Variants in B4GALT1 observed in about 807,000 individuals in gnomAD.
B4GALT1 encodes the protein beta-1,4-galactosyltransferase 1.
B4GALT1 carries 16 observed loss-of-function variants against 34.9 expected under a neutral mutation model. The observed-to-expected ratio is 0.46, with a 90% CI of 0.31 to 0.70. The LOEUF (loss-of-function observed/expected upper bound fraction) is 0.70. Among genes scored for constraint, B4GALT1 ranks in the 30% least tolerant of loss-of-function variants. The probability of loss-of-function intolerance (pLI) is 0.05; values close to 1 mark genes in which losing one functional copy is unlikely to be tolerated. For missense variants in B4GALT1, 445 were observed against 530.5 expected (o/e 0.84, Z 1.58); for synonymous variants, 221 against 218.1 (o/e 1.01, Z -0.12).
the B4GALT1 span, among the ~76,000 whole-genome samples, chr9:33,182,950 C>A: frequency 2.0e-5 from 3 of 152,200 alleles, no homozygotes; most frequent in Admixed American, 6.5e-5. Flanking sequence ...TTCATCTATA[C>A]CCCCAACTTC....
rs757496621 is a variant in B4GALT1, at chr9:33,113,361, G to A, written c.*93C>T. 4 of 1,582,932 alleles carry A rather than the reference G, an allele frequency of 2.5e-6. No individual in the cohort carries two copies. The highest frequency in any genetic ancestry group is 1.1e-5 in the South Asian group (1 of 89,916). Reference sequence around the variant, plus strand: ...CGAAGGGGACCTGTCACTCAGACTGGTAAAAATGAGAGGGACCAGCCCAGC... The same window carrying A: ...CGAAGGGGACCTGTCACTCAGACTGATAAAAATGAGAGGGACCAGCCCAGC... On this transcript the variant is annotated 3_prime_UTR_variant, in exon 6 of 6. Coordinates refer to ENST00000379731, the MANE Select transcript of B4GALT1 (RefSeq NM_001497.4).
In B4GALT1 at chr9:33,120,475, G is replaced by C; in HGVS notation, c.780C>G (p.Tyr260Ter). 1 of 1,614,060 alleles carries C rather than the reference G, an allele frequency of 6.2e-7. No homozygotes were observed. Among genetic ancestry groups the C allele is most frequent in the Non-Finnish European group, 8.5e-7 (1 of 1,180,022 alleles). Residue 260 changes from tyrosine (Y) to a stop codon, truncating the protein, a stop_gained, in exon 3 of 6, where the codon TAC becomes TAG. Coordinates refer to ENST00000379731, the MANE Select transcript of B4GALT1 (RefSeq NM_001497.4). LOFTEE classifies it high-confidence loss of function. ...TGTGCCGTGGCTGTGAAAAACACCT[G>C]TACGCATTATGGTCATTCATTGGAA... Reference protein sequence around the residue: ...DLIPMNDHNAYRCFSQPRHIS... With the variant: ...DLIPMNDHNA
At chr9:33,155,107 T>C (rs1455560343) in intron 1 of B4GALT1, among the ~76,000 whole-genome samples, 3 of 152,166 alleles carry the variant, frequency 2.0e-5, no homozygotes, top group African/African-American at 7.2e-5. Flanking sequence ...AGTACATGGC[T>C]ACGTCAGAAC....
At chr9:33,125,440 A>G (rs1041610323) in intron 2 of B4GALT1, among the ~76,000 whole-genome samples, 1 of 152,112 alleles carries the variant, frequency 6.6e-6, no homozygotes, top group Non-Finnish European at 1.5e-5. Flanking sequence ...GCCTTAAACC[A>G]TGGTTTATAT....
chr9:33,119,682 C>A (rs1410009939), intron 3 of B4GALT1, among the ~76,000 whole-genome samples: 1 of 152,188 alleles, frequency 6.6e-6, no homozygotes, highest in East Asian at 1.9e-4. Flanking sequence ...TGTCACTGCA[C>A]TCCAGCCTGG....
At chr9:33,163,181 G>C (rs939939800) in intron 1 of B4GALT1, among the ~76,000 whole-genome samples, 1 of 152,140 alleles carries the variant, frequency 6.6e-6, no homozygotes, top group Admixed American at 6.5e-5. Flanking sequence ...ATATGAGGGA[G>C]GGGGAAACGT....
At chr9:33,137,317 T>C (rs1028510022) in intron 1 of B4GALT1, among the ~76,000 whole-genome samples, 2 of 152,222 alleles carry the variant, frequency 1.3e-5, no homozygotes, top group African/African-American at 2.4e-5. Flanking sequence ...CATTGAGAGA[T>C]AGGCCTCAAT....
intron 3 of B4GALT1, among the ~76,000 whole-genome samples, chr9:33,118,518 A>T (rs1482923688): frequency 2.7e-5 from 4 of 149,956 alleles, no homozygotes; most frequent in Middle Eastern, 3.5e-3. Flanking sequence ...TTTTTTTTTT[A>T]AATCAGCCAG....
At chr9:33,128,286 G>T (rs1032026198) in intron 2 of B4GALT1, among the ~76,000 whole-genome samples, 13 of 152,210 alleles carry the variant, frequency 8.5e-5, no homozygotes, top group African/African-American at 2.7e-4. Context: ...GGATGCAAGG[G>T]AGAGAGGTGA....
At chr9:33,165,023 A>T (rs1587753902) in intron 1 of B4GALT1, among the ~76,000 whole-genome samples, 1 of 129,166 alleles carries the variant, frequency 7.7e-6, no homozygotes, top group South Asian at 2.4e-4. Context: ...CCCAGGCTGG[A>T]GTGTACTGGC....
At chr9:33,143,384 TG>T (rs1840381256) in intron 1 of B4GALT1, among the ~76,000 whole-genome samples, 1 of 152,238 alleles carries the variant, frequency 6.6e-6, no homozygotes, top group South Asian at 2.1e-4. Context: ...CTGACCTCAG[TG>T]GAACTGCCAT....
chr9:33,123,790 C>T (rs1840055577), intron 2 of B4GALT1, among the ~76,000 whole-genome samples: 1 of 152,196 alleles, frequency 6.6e-6, no homozygotes, highest in Non-Finnish European at 1.5e-5. Flanking sequence ...CAGCCAAGGC[C>T]CATGAGCAAT....
At chr9:33,150,142 T>TATACACACACACACACAC (rs3065241) in intron 1 of B4GALT1, among the ~76,000 whole-genome samples, 1 of 85,922 alleles carries the variant, frequency 1.2e-5, no homozygotes, top group Non-Finnish European at 2.4e-5. Flanking sequence ...GATATAGATA[T>TATACACACACACACACAC]AGATATATAC....
chr9:33,137,201 C>G (rs1388563926), intron 1 of B4GALT1, among the ~76,000 whole-genome samples: 1 of 152,254 alleles, frequency 6.6e-6, no homozygotes, highest in African/African-American at 2.4e-5. Context: ...GCCCTTCACC[C>G]TCAGCTCTGT....
the B4GALT1 span, among the ~76,000 whole-genome samples, chr9:33,183,374 G>A: frequency 6.7e-6 from 1 of 149,390 alleles, no homozygotes. Flanking sequence ...GCAAAGACTT[G>A]GAACCAACCC....
chr9:33,127,069 C>T (rs1209238670), intron 2 of B4GALT1, among the ~76,000 whole-genome samples: 1 of 152,158 alleles, frequency 6.6e-6, no homozygotes, highest in African/African-American at 2.4e-5. Flanking sequence ...TCATATCATT[C>T]TCCTGCCTCA....
chr9:33,157,547 G>GTT (rs1840613727), intron 1 of B4GALT1, among the ~76,000 whole-genome samples: 1 of 152,132 alleles, frequency 6.6e-6, no homozygotes, highest in Non-Finnish European at 1.5e-5. Flanking sequence ...GGATAAAAAT[G>GTT]GCTGCATGCA....
At chr9:33,170,092 C>T (rs910332932), upstream of B4GALT1, among the ~76,000 whole-genome samples, 2 of 151,360 alleles carry the variant, frequency 1.3e-5, no homozygotes, top group Admixed American at 6.6e-5. Context: ...GCCTCAGCCT[C>T]CCAAGTAGCT....
At chr9:33,122,188 A>C (rs1044702870) in intron 2 of B4GALT1, among the ~76,000 whole-genome samples, 1 of 152,058 alleles carries the variant, frequency 6.6e-6, no homozygotes, top group Non-Finnish European at 1.5e-5. Flanking sequence ...CACAATCTCA[A>C]AAGTGGGATG....
Sources: gnomAD v4.1 joint callset for allele counts (sites outside exome capture counted in the v4.1 genomes callset) on GRCh38, gnomAD v4.1.1 for gene constraint, MANE v1.5 for transcripts, NCBI Gene and HGNC (gene_info 2026-07-23, HGNC 2026-07-21) for gene names.